MTIF2: variants seen among roughly 807,000 people sequenced by gnomAD.
The protein encoded by MTIF2 is mitochondrial translational initiation factor 2.
In MTIF2, 71 loss-of-function variants were observed where a neutral mutation model predicts 83.5. The ratio of observed to expected loss-of-function variants is 0.85; its 90% CI spans 0.70 to 1.04. The LOEUF (loss-of-function observed/expected upper bound fraction) is 1.04. MTIF2 is among the 50% of genes least tolerant of loss of function. MTIF2 has a pLI of 0.00. For missense variants in MTIF2, 957 were observed against 846.5 expected (o/e 1.13, Z -1.62); for synonymous variants, 319 against 287.1 (o/e 1.11, Z -1.12).
chr2:55,255,400 TATATA>T (rs1392751254), intron 5 of MTIF2, among the ~76,000 whole-genome samples: 2 of 146,334 alleles, frequency 1.4e-5, no homozygotes. Context: ...TATAGTATTA[TATATA>T]ATATATATTT....
At chr2:55,241,523 C>T (rs1316092896) in intron 13 of MTIF2, among the ~76,000 whole-genome samples, 2 of 151,676 alleles carry the variant, frequency 1.3e-5, no homozygotes, top group Non-Finnish European at 2.9e-5. Flanking sequence ...GAGAAAAACA[C>T]AATCACCTTG....
rs1677329850 is a variant in MTIF2, at chr2:55,254,153, A to G, written c.552T>C (p.Thr184=). 6.2e-6 allele frequency: 10 copies of G among 1,614,160 alleles called. No individual in the cohort carries two copies. Among genetic ancestry groups the G allele is most frequent in the Non-Finnish European group, 8.5e-6 (10 of 1,180,016 alleles). ...TCCCGTGATCAACATGGCCCATTAT[A>G]GTAACAACTGGGGACCTTGGGGTTA... is the stretch of plus-strand genomic sequence containing the variant. ...ALLTPRSPVV[T]IMGHVDHGKT... is the part of the protein sequence containing the mutation. Residue 184 remains threonine (T), a synonymous_variant, in exon 7 of 16, where the codon ACT becomes ACC. Transcript: ENST00000263629.
chr2:55,248,855 G>C (rs1045261632), intron 9 of MTIF2, among the ~76,000 whole-genome samples: 1 of 152,004 alleles, frequency 6.6e-6, no homozygotes, highest in African/African-American at 2.4e-5. Flanking sequence ...ACAGTCTTTG[G>C]TCAGGCATGG....
At chr2:55,261,711 G>A (rs1308212417) in intron 5 of MTIF2, among the ~76,000 whole-genome samples, 1 of 151,218 alleles carries the variant, frequency 6.6e-6, no homozygotes, top group East Asian at 1.9e-4. Flanking sequence ...GGTTGAGGCA[G>A]AAGGATTACT....
chr2:55,241,071 C>T (rs1308803366), intron 13 of MTIF2, among the ~76,000 whole-genome samples: 1 of 151,324 alleles, frequency 6.6e-6, no homozygotes, highest in African/African-American at 2.4e-5. Flanking sequence ...ACTGTAAATA[C>T]TTTGGGAGAA....
chr2:55,260,886 G>A (rs1677916307), intron 5 of MTIF2, among the ~76,000 whole-genome samples: 1 of 151,700 alleles, frequency 6.6e-6, no homozygotes. Context: ...ATCCTAAATT[G>A]GTAATAAGCA....
chr2:55,242,978 A>G lies in MTIF2; in HGVS notation c.1667T>C (p.Val556Ala). 1.2e-6 allele frequency: 2 copies of G among 1,612,570 alleles called. No individual in the cohort carries two copies. Among genetic ancestry groups the G allele is most frequent in the South Asian group, 1.1e-5 (1 of 90,830 alleles). Reference sequence around the variant, plus strand: ...AGCAAGGTTAACATCATTTGCACTTACATCACCCACTCCAAAATGTACTAA... The same window carrying G: ...AGCAAGGTTAACATCATTTGCACTTGCATCACCCACTCCAAAATGTACTAA... ...LELVHFGVGDVSANDVNLAET... is the reference protein window; with the variant it reads ...LELVHFGVGDASANDVNLAET... Residue 556 changes from valine (V) to alanine (A), a missense_variant, in exon 13 of 16, where the codon GTA becomes GCA. By Grantham distance (64) the Val-to-Ala change is moderately conservative. This residue lies in a region of MTIF2 where 733 missense variants were observed against 648.7 expected (regional missense o/e 1.13). Coordinates refer to ENST00000263629, the MANE Select transcript of MTIF2 (RefSeq NM_002453.3).
At chr2:55,265,099 C>T (rs1028635962) in intron 3 of MTIF2, among the ~76,000 whole-genome samples, 11 of 151,816 alleles carry the variant, frequency 7.2e-5, no homozygotes, top group African/African-American at 2.2e-4. Context: ...AAAAATCAGC[C>T]GGACATGGTG....
rs200849600 is a variant in MTIF2 at position 55,240,192 on chromosome 2, T to C, written c.1706-17A>G. On this transcript the variant is annotated splice_polypyrimidine_tract_variant and intron_variant, in intron 13 of 15. Coordinates refer to ENST00000263629, the MANE Select transcript of MTIF2 (RefSeq NM_002453.3). ...ATATAACACCTAGCAAACAGAAATA[T>C]GATCAATGAAGTAGCACAACGATTA... is the stretch of plus-strand genomic sequence containing the variant. 167 of 1,590,554 alleles carry C rather than the reference T, an allele frequency of 1.0e-4. 3 individuals are homozygous for C. In the South Asian group the frequency reaches 1.7e-3, roughly 16 times the overall value.
At chr2:55,240,270 T>A in intron 13 of MTIF2, 95 bp from the exon 14 acceptor site, 1 of 1,208,164 alleles carries the variant, frequency 8.3e-7, no homozygotes, top group Non-Finnish European at 1.2e-6. Context: ...TAAATTGTTT[T>A]ATTTTCTAAA....
rs1212571270 is a variant in MTIF2 at position 55,254,038 on chromosome 2, T to C, written c.664+3A>G. 2 of 1,613,480 alleles carry C rather than the reference T, an allele frequency of 1.2e-6. No individual in the cohort carries two copies. The highest frequency in any genetic ancestry group is 2.7e-5 in the African/African-American group (2 of 74,906). Reference sequence around the variant, plus strand: ...CACATTGTAAGGTAATTTGTGTTCATACCAAGAAAGGCACCAATGTGCTGA... The same window carrying C: ...CACATTGTAAGGTAATTTGTGTTCACACCAAGAAAGGCACCAATGTGCTGA... On this transcript the variant is annotated splice_donor_region_variant and intron_variant, in intron 7 of 15. Transcript: ENST00000263629.
chr2:55,243,978 AT>A (rs771766105), intron 11 of MTIF2, 50 bp downstream of exon 11: 8 of 1,403,860 alleles, frequency 5.7e-6, no homozygotes, highest in Non-Finnish European at 4.8e-6. Context: ...GTAAACTGGC[AT>A]TTAAAATCAT....
chr2:55,268,936 G>GC (rs1678632554), intron 1 of MTIF2, 197 bp from the exon 2 acceptor site: 1 of 152,398 alleles, frequency 6.6e-6, no homozygotes, highest in Non-Finnish European at 1.5e-5. Context: ...TGCACCCACA[G>GC]CCGCGCGCGA....
chr2:55,258,078 C>T (rs1204364554), intron 5 of MTIF2, among the ~76,000 whole-genome samples: 1 of 152,192 alleles, frequency 6.6e-6, no homozygotes, highest in Non-Finnish European at 1.5e-5. Context: ...AGACATGAGC[C>T]ATCGCACCCA....
chr2:55,255,351 T>C (rs75884547), intron 5 of MTIF2, among the ~76,000 whole-genome samples: 10,995 of 148,258 alleles, frequency 0.074, 1,295 homozygotes, highest in African/African-American at 0.25. Flanking sequence ...AATTTTGTTT[T>C]ATGCATTTCT....
intron 13 of MTIF2, among the ~76,000 whole-genome samples, chr2:55,242,150 A>G (rs1056444659): frequency 1.5e-4 from 22 of 149,044 alleles, no homozygotes; most frequent in African/African-American, 5.1e-4. Context: ...TCCAAAAAAA[A>G]AAAAAAGAAA....
chr2:55,242,902 G>C (rs1676428184), intron 13 of MTIF2, 38 bp downstream of exon 13: 2 of 1,585,304 alleles, frequency 1.3e-6, no homozygotes, highest in Non-Finnish European at 1.7e-6. Context: ...AGTGTTATTT[G>C]GGGAACACAG....
At chr2:55,252,777 A>T (rs1299596370) in intron 7 of MTIF2, 124 bp from the exon 8 acceptor site, 11 of 653,168 alleles carry the variant, frequency 1.7e-5, no homozygotes, top group Non-Finnish European at 2.8e-5. Context: ...TCCTTCCATT[A>T]ATCTTAATCA....
chr2:55,246,537 C>G (rs1414230760), intron 9 of MTIF2, 76 bp from the exon 10 acceptor site: 1 of 1,267,210 alleles, frequency 7.9e-7, no homozygotes, highest in African/African-American at 1.5e-5. Flanking sequence ...GACAGAAAGT[C>G]ACATAATACT....
Sources: gnomAD v4.1 joint callset for allele counts (sites outside exome capture counted in the v4.1 genomes callset) on GRCh38, gnomAD v4.1.1 for gene constraint, gnomAD v4.1.1 regional missense constraint, MANE v1.5 for transcripts, NCBI Gene and HGNC (gene_info 2026-07-23, HGNC 2026-07-21) for gene names.